The following CORO2B variants were observed in gnomAD, a reference collection of about 807,000 sequenced individuals.
The protein encoded by CORO2B is coronin-2B.
In CORO2B, 26 loss-of-function variants were observed where a neutral mutation model predicts 58.8. The ratio of observed to expected loss-of-function variants is 0.44; its 90% confidence interval spans 0.32 to 0.61. The LOEUF (loss-of-function observed/expected upper bound fraction) is 0.61, where lower values mean the gene tolerates loss of function less well. CORO2B is among the 20% of genes least tolerant of loss of function. CORO2B has a pLI of 0.04. For missense variants in CORO2B, 460 were observed against 645.1 expected (o/e 0.71, Z 3.11); for synonymous variants, 242 against 253.8 (o/e 0.95, Z 0.44).
At chr15:68,616,781 A>AG (rs111285800) in intron 1 of CORO2B, among the ~76,000 whole-genome samples, 5,583 of 152,292 alleles carry the variant, frequency 0.037, 352 homozygotes, top group African/African-American at 0.12. Context: ...GTGTGTGCAG[A>AG]GGATGGCACA....
At chr15:68,529,421 A>C in the CORO2B span, among the ~76,000 whole-genome samples, 1 of 152,238 alleles carries the variant, frequency 6.6e-6, no homozygotes, top group Non-Finnish European at 1.5e-5. Flanking sequence ...TGTATTCATA[A>C]CATGTATATG....
At chr15:68,526,611 A>G in the CORO2B span, among the ~76,000 whole-genome samples, 2 of 152,206 alleles carry the variant, frequency 1.3e-5, no homozygotes, top group African/African-American at 4.8e-5. Context: ...TTGAGTTCTA[A>G]GTGTTCTTTA....
rs569457600 is a variant in CORO2B, at chr15:68,642,915, G to A, written c.16-2245G>A. ...AAGCTCAACACCTCCTTTCTCGTCT[G>A]TGGAAACTGTGGCATCGAGAATGTT... On this transcript the variant is annotated intron_variant, in intron 1 of 11. Transcript: ENST00000261861. 3.0e-3 allele frequency among the ~76,000 whole-genome samples: 453 copies of A among 152,328 alleles called. 1 individual carries two copies. Among genetic ancestry groups the A allele is most frequent in the Middle Eastern group, 6.8e-3 (2 of 294 alleles).
the CORO2B span, among the ~76,000 whole-genome samples, chr15:68,534,534 C>A: frequency 2.6e-5 from 4 of 152,212 alleles, no homozygotes; most frequent in African/African-American, 9.7e-5. Context: ...CCAAATGGAC[C>A]AGAGCACTCC....
chr15:68,605,720 T>G (rs552095778), intron 1 of CORO2B, among the ~76,000 whole-genome samples: 19 of 121,466 alleles, frequency 1.6e-4, no homozygotes, highest in African/African-American at 5.3e-4. Flanking sequence ...GGTTTTTTTT[T>G]TTTTTTTTTT....
At position 68,725,914 on chromosome 15, in the gene CORO2B, C is replaced by T; in HGVS notation, c.1383C>T (p.Ile461=). ...RLKEELAQKD[I]RIRQLQLELK... Reference sequence around the variant, plus strand: ...AAGAGGAGCTGGCCCAGAAGGACATCCGCATTCGGCAGCTCCAGCTGGAAC... The same window carrying T: ...AAGAGGAGCTGGCCCAGAAGGACATTCGCATTCGGCAGCTCCAGCTGGAAC... Residue 461 remains isoleucine, a synonymous_variant, in exon 12 of 12, where the codon ATC becomes ATT. Transcript: ENST00000261861. 1 of 1,614,102 alleles carries T rather than the reference C, an allele frequency of 6.2e-7. No homozygotes were observed. The highest frequency in any genetic ancestry group is 8.5e-7 in the Non-Finnish European group (1 of 1,180,028).
the CORO2B span, among the ~76,000 whole-genome samples, chr15:68,550,326 T>C: frequency 6.6e-6 from 1 of 152,174 alleles, no homozygotes; most frequent in African/African-American, 2.4e-5. Flanking sequence ...TGACTTGCCA[T>C]GACGTTTTGG....
chr15:68,659,198 A>C (rs1901930089), intron 2 of CORO2B, among the ~76,000 whole-genome samples: 1 of 152,148 alleles, frequency 6.6e-6, no homozygotes, highest in Non-Finnish European at 1.5e-5. Flanking sequence ...TGTCTTTCCC[A>C]AAATTATTTA....
At chr15:68,711,055 C>G (rs745704254) in intron 4 of CORO2B, among the ~76,000 whole-genome samples, 174 bp downstream of exon 4, 1 of 152,102 alleles carries the variant, frequency 6.6e-6, no homozygotes, top group Non-Finnish European at 1.5e-5. Context: ...TCCTGTGCAC[C>G]CTGTCATTCC....
the CORO2B span, among the ~76,000 whole-genome samples, chr15:68,554,084 G>A: frequency 1.6e-4 from 25 of 152,256 alleles, no homozygotes; most frequent in Admixed American, 2.6e-4. Flanking sequence ...TTGGAGAGGC[G>A]GTGACAGGGC....
At chr15:68,576,991 G>A (rs1899300233), upstream of CORO2B, among the ~76,000 whole-genome samples, 1 of 152,164 alleles carries the variant, frequency 6.6e-6, no homozygotes, top group Non-Finnish European at 1.5e-5. Flanking sequence ...TGGCAAGGAG[G>A]TGGTGCCGTG....
the CORO2B span, among the ~76,000 whole-genome samples, chr15:68,524,732 A>G: frequency 6.6e-6 from 1 of 152,184 alleles, no homozygotes; most frequent in Non-Finnish European, 1.5e-5. Context: ...TCTAGTCACC[A>G]TTTATGCTTC....
intron 1 of CORO2B, among the ~76,000 whole-genome samples, chr15:68,601,080 G>C (rs1172550212): frequency 6.6e-6 from 1 of 152,216 alleles, no homozygotes; most frequent in African/African-American, 2.4e-5. Flanking sequence ...TGGGGATGGG[G>C]TGGCATGCAG....
At position 68,579,238 on chromosome 15, in the gene CORO2B, C is replaced by G. The variant is rs1899353598; in HGVS notation, c.-25C>G. The G allele has an allele frequency of 8.6e-7, 1 of 1,163,858 alleles. No individual in the cohort carries two copies. Among genetic ancestry groups the G allele is most frequent in the Non-Finnish European group, 1.1e-6 (1 of 943,608 alleles). 72.1% of individuals were successfully genotyped at this position (1,163,858 alleles called of 1,614,324 possible). A position where few individuals can be genotyped will look rare whatever the true frequency, so the allele number is the denominator to read the frequency against. ...CCGCCCCCGCACGCCGCGCCCGCGC[C>G]CCCGCTCCGCCGCGGAGTTTCTGCA... On this transcript the variant is annotated 5_prime_UTR_variant, in exon 1 of 12. Transcript: ENST00000261861.
intron 2 of CORO2B, among the ~76,000 whole-genome samples, chr15:68,663,621 A>G (rs1335884361): frequency 1.3e-5 from 2 of 152,238 alleles, no homozygotes; most frequent in African/African-American, 4.8e-5. Flanking sequence ...CGAAAGATTC[A>G]TTAACAAAGT....
intron 1 of CORO2B, among the ~76,000 whole-genome samples, chr15:68,582,389 A>C (rs780017085): frequency 2.2e-4 from 33 of 152,188 alleles, no homozygotes; most frequent in Non-Finnish European, 1.5e-4. Flanking sequence ...CTGAGCATGC[A>C]CAGGAGGTCA....
intron 2 of CORO2B, among the ~76,000 whole-genome samples, chr15:68,668,238 C>T (rs866643901): frequency 2.6e-5 from 4 of 152,166 alleles, no homozygotes; most frequent in Middle Eastern, 3.2e-3. Context: ...TGCCCCACAA[C>T]GTGTTCACAC....
intron 3 of CORO2B, among the ~76,000 whole-genome samples, chr15:68,704,990 C>T (rs574987955): frequency 3.3e-5 from 5 of 152,250 alleles, no homozygotes; most frequent in South Asian, 2.1e-4. Flanking sequence ...ACAAATCCCT[C>T]GAATACTAAG....
intron 1 of CORO2B, among the ~76,000 whole-genome samples, chr15:68,605,731 T>TG (rs1302632937): frequency 3.9e-4 from 54 of 137,574 alleles, no homozygotes; most frequent in African/African-American, 1.4e-3. Context: ...TTTTTTTTTT[T>TG]TTTTTTTTTG....
Sources: gnomAD v4.1 joint callset for allele counts (sites outside exome capture counted in the v4.1 genomes callset) on GRCh38, gnomAD v4.1.1 for gene constraint, MANE v1.5 for transcripts, NCBI Gene and HGNC (gene_info 2026-07-23, HGNC 2026-07-21) for gene names.